Variants in AUTS2 observed in about 807,000 individuals in gnomAD.
The protein encoded by AUTS2 is activator of transcription and developmental regulator AUTS2.
Under a neutral mutation model 112.4 loss-of-function variants are expected in AUTS2, and 17 were observed. That is an observed-to-expected ratio of 0.15 (90% CI 0.10 to 0.23). AUTS2 has a LOEUF of 0.23. Ranked by LOEUF, AUTS2 falls within the 10% of genes least tolerant of loss-of-function variation. The pLI, the probability that AUTS2 is intolerant of heterozygous loss-of-function variation, is 1.00. For synonymous variants in AUTS2, 751 were observed against 702.7 expected, an observed-to-expected ratio of 1.07 and a Z score of -1.09; for missense variants, 1,510 against 1,701.6, an observed-to-expected ratio of 0.89 and a Z score of 1.98.
At chr7:70,387,457 A>G (rs560347306) in intron 4 of AUTS2, among the ~76,000 whole-genome samples, 2 of 151,930 alleles carry the variant, frequency 1.3e-5, no homozygotes, top group South Asian at 2.1e-4. Flanking sequence ...ATGGGTGCCC[A>G]CTCTTTTATC....
At chr7:70,261,408 A>G (rs1044421051) in intron 4 of AUTS2, among the ~76,000 whole-genome samples, 31 of 152,230 alleles carry the variant, frequency 2.0e-4, no homozygotes, top group Admixed American at 2.0e-3. Context: ...TGGCAGTTAT[A>G]TAGATACAGA....
chr7:69,998,407 TTCCAAGTGGCCCACCTGTG>T (rs1799042823), intron 2 of AUTS2, among the ~76,000 whole-genome samples: 1 of 152,172 alleles, frequency 6.6e-6, no homozygotes, highest in Non-Finnish European at 1.5e-5. Flanking sequence ...GTGTGGAGCC[TTCCAAGTGGCCCACCTGTG>T]TGGGAAAGCT....
intron 6 of AUTS2, among the ~76,000 whole-genome samples, chr7:70,713,259 T>G (rs8180761): frequency 0.097 from 14,829 of 152,280 alleles, 1,452 homozygotes; most frequent in East Asian, 0.45. Context: ...ACACACATAC[T>G]GGGCAAATGT....
rs547485816 is a variant in AUTS2 at position 69,689,962 on chromosome 7, G to C, written c.309+90000G>C. 3.3e-5 allele frequency among the ~76,000 whole-genome samples: 5 copies of C among 152,020 alleles called. No individual in the cohort carries two copies. In the South Asian group the frequency reaches 1.0e-3, roughly 32 times the overall value. On this transcript the variant is annotated intron_variant, in intron 1 of 18. Coordinates refer to ENST00000342771, the MANE Select transcript of AUTS2 (RefSeq NM_015570.4). Reference sequence around the variant, plus strand: ...CCTGCCTTGGCCTCCCAAAGTGCTGGGATTATAGGCGTGAGCCACTGCGCC... The same window carrying C: ...CCTGCCTTGGCCTCCCAAAGTGCTGCGATTATAGGCGTGAGCCACTGCGCC...
intron 1 of AUTS2, among the ~76,000 whole-genome samples, chr7:69,653,814 C>T: frequency 6.6e-6 from 1 of 152,186 alleles, no homozygotes; most frequent in East Asian, 1.9e-4. Context: ...ACCTGAGGCT[C>T]ACCCTGCCTG....
At chr7:70,213,535 T>C (rs1187975976) in intron 4 of AUTS2, among the ~76,000 whole-genome samples, 1 of 129,542 alleles carries the variant, frequency 7.7e-6, no homozygotes, top group South Asian at 2.6e-4. Context: ...CAAGACCCTG[T>C]CTCAAAAAAA....
intron 4 of AUTS2, among the ~76,000 whole-genome samples, chr7:70,347,713 G>A (rs574330218): frequency 1.1e-3 from 172 of 152,256 alleles, no homozygotes; most frequent in African/African-American, 4.0e-3. Flanking sequence ...GGGTTAGCTT[G>A]TCAGAAAAAT....
chr7:70,385,326 G>A (rs1196094218), intron 4 of AUTS2, among the ~76,000 whole-genome samples: 1 of 152,200 alleles, frequency 6.6e-6, no homozygotes, highest in East Asian at 1.9e-4. Flanking sequence ...AGGTCATTGT[G>A]GAGTTGTTGA....
At chr7:70,537,339 A>G (rs1585271317) in intron 5 of AUTS2, among the ~76,000 whole-genome samples, 1 of 152,206 alleles carries the variant, frequency 6.6e-6, no homozygotes, top group East Asian at 1.9e-4. Flanking sequence ...GTTGCTGTTA[A>G]ATCAAAATTT....
chr7:70,290,289 A>C, intron 4 of AUTS2: 1 of 1,331,980 alleles, frequency 7.5e-7, no homozygotes, highest in Non-Finnish European at 9.7e-7. Context: ...GATGTAAAAA[A>C]AACATTTAGC....
chr7:70,372,461 G>A (rs1434395238), intron 4 of AUTS2, among the ~76,000 whole-genome samples: 2 of 152,038 alleles, frequency 1.3e-5, no homozygotes, highest in Non-Finnish European at 2.9e-5. Flanking sequence ...TCTCACATTC[G>A]TTTAATCTAG....
chr7:70,135,778 ACAAGCAGGATACATTCAG>A (rs1584774777), intron 4 of AUTS2, among the ~76,000 whole-genome samples: 1 of 152,198 alleles, frequency 6.6e-6, no homozygotes, highest in East Asian at 1.9e-4. Context: ...GCTAACAGAA[ACAAGCAGGATACATTCAG>A]TATCCTGCTT....
At chr7:69,658,058 A>C (rs1457982522) in intron 1 of AUTS2, among the ~76,000 whole-genome samples, 1 of 152,244 alleles carries the variant, frequency 6.6e-6, no homozygotes, top group Non-Finnish European at 1.5e-5. Flanking sequence ...TATATATTTC[A>C]TGCCACGTGA....
intron 2 of AUTS2, among the ~76,000 whole-genome samples, chr7:70,004,738 C>T (rs1009871988): frequency 3.3e-5 from 5 of 151,784 alleles, no homozygotes; most frequent in Non-Finnish European, 7.4e-5. Context: ...TTCATTTTCC[C>T]ACCTCAGTTT....
At chr7:70,437,710 G>C (rs1307012936) in intron 5 of AUTS2, 1 of 151,950 alleles carries the variant, frequency 6.6e-6, no homozygotes, top group African/African-American at 2.4e-5. Context: ...CATTGTGGCG[G>C]GCGCCTGTAG....
intron 4 of AUTS2, among the ~76,000 whole-genome samples, chr7:70,321,382 TTC>T (rs777163105): frequency 1.3e-5 from 2 of 152,210 alleles, no homozygotes; most frequent in Non-Finnish European, 2.9e-5. Flanking sequence ...AACATTTCTT[TTC>T]TCTGTTTTGC....
chr7:69,651,273 T>G (rs967412092), intron 1 of AUTS2, among the ~76,000 whole-genome samples: 14 of 152,114 alleles, frequency 9.2e-5, no homozygotes, highest in African/African-American at 2.9e-4. Context: ...TGATAACCAG[T>G]GTTTTTTTTT....
intron 5 of AUTS2, among the ~76,000 whole-genome samples, chr7:70,468,373 T>C (rs1411560636): frequency 1.3e-5 from 2 of 152,230 alleles, no homozygotes; most frequent in African/African-American, 4.8e-5. Context: ...TACCTTCCTG[T>C]CCAGAACATG....
intron 4 of AUTS2, among the ~76,000 whole-genome samples, chr7:70,211,783 G>T (rs1037720894): frequency 6.6e-6 from 1 of 150,962 alleles, no homozygotes; most frequent in Admixed American, 6.6e-5. Flanking sequence ...TCAGGAGATC[G>T]AGACCATCCT....
Sources: gnomAD v4.1 joint callset for allele counts (sites outside exome capture counted in the v4.1 genomes callset) on GRCh38, gnomAD v4.1.1 for gene constraint, MANE v1.5 for transcripts, NCBI Gene and HGNC (gene_info 2026-07-23, HGNC 2026-07-21) for gene names.